Variants in SMCHD1 observed in about 807,000 individuals in gnomAD.
SMCHD1 encodes structural maintenance of chromosomes flexible hinge domain-containing protein 1.
In SMCHD1, 78 loss-of-function variants were observed where a neutral mutation model predicts 254.7. The ratio of observed to expected loss-of-function variants is 0.31; its 90% CI spans 0.26 to 0.37. The LOEUF (loss-of-function observed/expected upper bound fraction) is 0.37, where lower values mean the gene tolerates loss of function less well. Ranked by LOEUF, SMCHD1 falls within the 10% of genes least tolerant of loss-of-function variation. The pLI is 1.00. For synonymous variants in SMCHD1, 766 were observed against 794.9 expected, an observed-to-expected ratio of 0.96 and a Z score of 0.61; for missense variants, 1,840 against 2,408.1, an observed-to-expected ratio of 0.76 and a Z score of 4.94.
At chr18:2,739,242 T>G (rs1396883357) in intron 26 of SMCHD1, among the ~76,000 whole-genome samples, 190 bp from the exon 27 acceptor site, 1 of 152,232 alleles carries the variant, frequency 6.6e-6, no homozygotes, top group Non-Finnish European at 1.5e-5. Flanking sequence ...CTACTATCTT[T>G]GCAAAGTGTC....
rs975101739 is a variant in SMCHD1, at chr18:2,655,905, T to A, written c.-171T>A. On this transcript the variant is annotated 5_prime_UTR_variant, in exon 1 of 48. Coordinates refer to ENST00000320876, the MANE Select transcript of SMCHD1 (RefSeq NM_015295.3). ...CGCGTTTGAATCGGTTCCCGGGTGA[T>A]CCTCGCGCCTGCCGCTGCTCGGCCG... 3.9e-5 allele frequency: 16 copies of A among 410,098 alleles called. No homozygotes were observed. Among genetic ancestry groups the A allele is most frequent in the Non-Finnish European group, 4.9e-5 (12 of 243,786 alleles). 25.4% of individuals were successfully genotyped at this position (410,098 alleles called of 1,614,324 possible).
intron 40 of SMCHD1, 127 bp from the exon 41 acceptor site, chr18:2,772,121 TAA>T: frequency 1.5e-6 from 1 of 683,110 alleles, no homozygotes; most frequent in Non-Finnish European, 2.1e-6. Flanking sequence ...GTTTTTTTTT[TAA>T]TAATGCCTAC....
At chr18:2,740,046 C>T (rs10460007) in intron 27 of SMCHD1, among the ~76,000 whole-genome samples, 45,166 of 151,776 alleles carry the variant, frequency 0.3, 6,917 homozygotes, top group East Asian at 0.49. Context: ...AACCCGTCAT[C>T]TACATTAGGT....
intron 5 of SMCHD1, among the ~76,000 whole-genome samples, chr18:2,682,927 AC>A (rs1220887296): frequency 6.6e-6 from 1 of 152,198 alleles, no homozygotes; most frequent in Non-Finnish European, 1.5e-5. Context: ...CAAGTCTGAG[AC>A]TGTCTTGAAA....
At chr18:2,799,352 A>G (rs532096297) in intron 47 of SMCHD1, among the ~76,000 whole-genome samples, 19 of 152,290 alleles carry the variant, frequency 1.2e-4, no homozygotes, top group African/African-American at 4.1e-4. Flanking sequence ...AGCCACACAC[A>G]TGGCTGGTGG....
At chr18:2,715,379 A>AG (rs989900183) in intron 17 of SMCHD1, among the ~76,000 whole-genome samples, 7 of 152,062 alleles carry the variant, frequency 4.6e-5, no homozygotes, top group African/African-American at 1.7e-4. Flanking sequence ...TGCTTGGTCT[A>AG]GTCCATTGTT....
At chr18:2,707,766 T>G in intron 16 of SMCHD1, 41 bp from the exon 17 acceptor site, 1 of 1,547,432 alleles carries the variant, frequency 6.5e-7, no homozygotes, top group Non-Finnish European at 8.8e-7. Flanking sequence ...TTCAGCAAAT[T>G]TTTGGGTGTA....
intron 5 of SMCHD1, among the ~76,000 whole-genome samples, chr18:2,674,420 T>C (rs1344197420): frequency 6.6e-6 from 1 of 152,218 alleles, no homozygotes; most frequent in African/African-American, 2.4e-5. Context: ...TTCCTAACTC[T>C]GTATAGCCTC....
chr18:2,780,997 C>G (rs11659862), intron 44 of SMCHD1, among the ~76,000 whole-genome samples: 14,956 of 152,186 alleles, frequency 0.098, 1,151 homozygotes, highest in East Asian at 0.43. Flanking sequence ...CCTGGAGAGA[C>G]AAACAGAACA....
Position 2,775,831 on chromosome 18 carries a change from A to C in SMCHD1, c.5273A>C (p.Asp1758Ala). The change falls in exon 42 of 48, where the codon GAC becomes GCC. Residue 1758 changes from aspartate (D) to alanine (A), a missense_variant. By Grantham distance (126) the Asp-to-Ala change is moderately radical. This residue lies in a region of SMCHD1 where 114 missense variants were observed against 217.6 expected (regional missense o/e 0.52). Coordinates refer to ENST00000320876, the MANE Select transcript of SMCHD1 (RefSeq NM_015295.3). ...GACTGTGTAGTCACCCTAACCACTG[A>C]CGCTGCACGTCGTATCTATGATGAA... ...DMDCVVTLTT[D>A]AARRIYDETQ... 6.2e-7 allele frequency: 1 copy of C among 1,612,774 alleles called. No individual in the cohort carries two copies. Among genetic ancestry groups the C allele is most frequent in the African/African-American group, 1.3e-5 (1 of 74,984 alleles).
chr18:2,750,157 T>C (rs756172154), intron 31 of SMCHD1, 35 bp downstream of exon 31: 52 of 1,546,554 alleles, frequency 3.4e-5, no homozygotes, highest in South Asian at 3.2e-4. Context: ...GTTGGTGTTA[T>C]AGAGATTCGT....
At position 2,656,104 on chromosome 18, in the gene SMCHD1, G is replaced by T. The variant is rs920894669; in HGVS notation, c.29G>T (p.Gly10Val). The T allele has an allele frequency of 1.4e-6, 2 of 1,428,452 alleles. No individual in the cohort carries two copies. The highest frequency in any genetic ancestry group is 1.8e-6 in the Non-Finnish European group (2 of 1,089,664). The allele number at this position is 1,428,452 out of a possible 1,614,324, so 88.5% of individuals were successfully genotyped here. ...GCAGCGGCGGACGGCGGCGGGCCTG[G>T]TGGGGCCTCTGTGGGGACTGAGGAG... MAAADGGGP[G>V]GASVGTEEDG... Residue 10 changes from glycine (G) to valine (V), a missense_variant, in exon 1 of 48, where the codon GGT (glycine) becomes GTT (valine). Physicochemically the swap from Gly to Val is moderately radical, Grantham distance 109. This residue lies in a region of SMCHD1 where 115 missense variants were observed against 99.1 expected (regional missense o/e 1.16). Transcript: ENST00000320876.
intron 39 of SMCHD1, among the ~76,000 whole-genome samples, chr18:2,770,379 A>G (rs1457086207): frequency 6.6e-6 from 1 of 152,176 alleles, no homozygotes; most frequent in Non-Finnish European, 1.5e-5. Context: ...TCTACATAAT[A>G]ATAATGTTTA....
At chr18:2,682,312 T>G (rs1339565996) in intron 5 of SMCHD1, among the ~76,000 whole-genome samples, 3 of 142,636 alleles carry the variant, frequency 2.1e-5, no homozygotes, top group African/African-American at 6.1e-5. Context: ...TTCTTTCTTC[T>G]TCTTTTTTTT....
chr18:2,789,285 C>T (rs1357107181), intron 45 of SMCHD1, among the ~76,000 whole-genome samples: 2 of 151,868 alleles, frequency 1.3e-5, no homozygotes. Context: ...AGGCGATCTG[C>T]CTGCCTTGGC....
Position 2,753,840 on chromosome 18 carries a change from A to AG in SMCHD1, c.4346+1289dup, listed in dbSNP as rs1373628381. ...CCAAAATGGTGGGATTACAAGCATG[A>AG]GCCACCGTGCCCGGCCCTTCCCAAC... On this transcript the variant is annotated intron_variant, in intron 34 of 47. Transcript: ENST00000320876. Among the ~76,000 whole-genome samples, 49 of 152,240 alleles carry AG rather than the reference A, an allele frequency of 3.2e-4. 1 individual carries two copies. The highest frequency in any genetic ancestry group is 1.2e-3 in the African/African-American group (48 of 41,538).
chr18:2,662,625 A>C (rs989006746), intron 1 of SMCHD1, among the ~76,000 whole-genome samples: 2 of 150,522 alleles, frequency 1.3e-5, no homozygotes, highest in Non-Finnish European at 3.0e-5. Flanking sequence ...AGCCTGCACA[A>C]CAGAGCAAGA....
intron 45 of SMCHD1, among the ~76,000 whole-genome samples, chr18:2,795,707 A>G (rs911822676): frequency 2.0e-5 from 3 of 152,212 alleles, no homozygotes; most frequent in African/African-American, 7.2e-5. Context: ...TTATATAGAG[A>G]ACTCTTCCCT....
intron 10 of SMCHD1, among the ~76,000 whole-genome samples, chr18:2,699,167 TC>T (rs1271814571): frequency 6.6e-6 from 1 of 152,160 alleles, no homozygotes; most frequent in Admixed American, 6.5e-5. Flanking sequence ...GACAAACTAC[TC>T]CCTGCCTTAG....
Sources: gnomAD v4.1 joint callset for allele counts (sites outside exome capture counted in the v4.1 genomes callset) on GRCh38, gnomAD v4.1.1 for gene constraint, gnomAD v4.1.1 regional missense constraint, MANE v1.5 for transcripts, NCBI Gene and HGNC (gene_info 2026-07-23, HGNC 2026-07-21) for gene names.